DPYD: variants seen among roughly 807,000 people sequenced by gnomAD.
The protein encoded by DPYD is dihydropyrimidine dehydrogenase.
Under a neutral mutation model 116.2 loss-of-function variants are expected in DPYD, and 109 were observed. That is an observed-to-expected ratio of 0.94 (90% CI 0.80 to 1.10). The LOEUF (loss-of-function observed/expected upper bound fraction) is 1.10. Ranked by LOEUF, DPYD falls within the 50% of genes least tolerant of loss-of-function variation. The probability of loss-of-function intolerance (pLI) is 0.00; values close to 1 mark genes in which losing one functional copy is unlikely to be tolerated. For synonymous variants in DPYD, 440 were observed against 432.0 expected (o/e 1.02, Z -0.23); for missense variants, 1,302 against 1,254.5 (o/e 1.04, Z -0.57).
intron 3 of DPYD, among the ~76,000 whole-genome samples, chr1:97,802,933 G>A (rs933469650): frequency 6.6e-6 from 1 of 151,812 alleles, no homozygotes; most frequent in Non-Finnish European, 1.5e-5. Flanking sequence ...GCAAGAAACA[G>A]ATACCAGCAA....
intron 13 of DPYD, among the ~76,000 whole-genome samples, chr1:97,455,871 T>C (rs1306490460): frequency 1.3e-5 from 2 of 151,922 alleles, no homozygotes; most frequent in African/African-American, 2.4e-5. Context: ...TGTAGTAGCT[T>C]ATATAACGAC....
chr1:97,881,896 T>C (rs1242600109), intron 2 of DPYD, among the ~76,000 whole-genome samples: 1 of 151,746 alleles, frequency 6.6e-6, no homozygotes, highest in East Asian at 2.0e-4. Flanking sequence ...TTAGGAGATA[T>C]ACCTAATGCT....
At chr1:97,245,804 G>A (rs924353775) in intron 18 of DPYD, among the ~76,000 whole-genome samples, 5 of 152,064 alleles carry the variant, frequency 3.3e-5, no homozygotes, top group Admixed American at 2.0e-4. Flanking sequence ...CTGAAATCCT[G>A]TGCTCTGTTT....
rs117387937 is a variant in DPYD at position 97,151,102 on chromosome 1, T to C, written c.2622+41967A>G. Among the ~76,000 whole-genome samples the C allele has an allele frequency of 7.2e-5, 11 of 152,330 alleles. No homozygotes were observed. The East Asian group carries it at 2.1e-3, about 29-fold the overall frequency. On this transcript the variant is annotated intron_variant, in intron 20 of 22. Transcript: ENST00000370192. ...ATACTGATATCAAATCCAGCTATCT[T>C]ATGTTCAAAATGAGAAATCATTACC...
chr1:97,110,928 T>C (rs1651545907), intron 20 of DPYD, among the ~76,000 whole-genome samples: 2 of 152,086 alleles, frequency 1.3e-5, no homozygotes, highest in South Asian at 4.1e-4. Context: ...CAGCACTTCA[T>C]AGGCTGAGGC....
At chr1:97,714,022 T>G (rs1336959197) in intron 5 of DPYD, among the ~76,000 whole-genome samples, 1 of 152,110 alleles carries the variant, frequency 6.6e-6, no homozygotes, top group Admixed American at 6.6e-5. Flanking sequence ...TTTATCTTAG[T>G]TATAGATTAC....
At chr1:97,291,145 T>G (rs201556289) in intron 18 of DPYD, among the ~76,000 whole-genome samples, 7,128 of 152,210 alleles carry the variant, frequency 0.047, 243 homozygotes, top group East Asian at 0.092. Flanking sequence ...ATATACCATC[T>G]CACACCAGTT....
rs181416305 is a variant in DPYD at position 97,743,967 on chromosome 1, T to C, written c.234-3488A>G. Among the ~76,000 whole-genome samples, 7 of 152,208 alleles carry C rather than the reference T, an allele frequency of 4.6e-5. No individual in the cohort carries two copies. In the East Asian group the frequency reaches 1.3e-3, roughly 29 times the overall value. On this transcript the variant is annotated intron_variant, in intron 3 of 22. Coordinates refer to ENST00000370192, the MANE Select transcript of DPYD (RefSeq NM_000110.4). ...ATACATAAAGAAGTATATTTGATTT[T>C]TTTAAACTACAAGAAAACAACTTAG...
intron 20 of DPYD, among the ~76,000 whole-genome samples, chr1:97,124,717 T>G (rs569436867): frequency 6.6e-6 from 1 of 152,266 alleles, no homozygotes; most frequent in East Asian, 1.9e-4. Context: ...TTCCTGCATC[T>G]TTGCACACCC....
chr1:97,648,597 G>A (rs908614555), intron 8 of DPYD, among the ~76,000 whole-genome samples: 1 of 152,022 alleles, frequency 6.6e-6, no homozygotes, highest in South Asian at 2.1e-4. Flanking sequence ...GAAAGACACT[G>A]ATTTCTCCTA....
At chr1:97,368,736 C>G (rs1436353036) in intron 16 of DPYD, among the ~76,000 whole-genome samples, 8 of 152,172 alleles carry the variant, frequency 5.3e-5, no homozygotes, top group African/African-American at 1.7e-4. Context: ...AAAGGTGAAT[C>G]AGAAAGATAT....
chr1:97,564,890 C>T (rs954236584), intron 11 of DPYD, among the ~76,000 whole-genome samples: 5 of 152,040 alleles, frequency 3.3e-5, no homozygotes, highest in African/African-American at 1.2e-4. Context: ...ACTGTAGTTC[C>T]ACACTCCTGA....
At chr1:97,334,953 G>A (rs972986424) in intron 16 of DPYD, among the ~76,000 whole-genome samples, 2 of 152,178 alleles carry the variant, frequency 1.3e-5, no homozygotes, top group African/African-American at 4.8e-5. Flanking sequence ...CTGTGTGTAA[G>A]TGTGTTACCA....
intron 13 of DPYD, among the ~76,000 whole-genome samples, chr1:97,496,294 G>A (rs1356865738): frequency 6.6e-6 from 1 of 151,748 alleles, no homozygotes; most frequent in Non-Finnish European, 1.5e-5. Context: ...ATGAATTTAG[G>A]GCCTTATATT....
At chr1:97,531,574 A>G (rs559299820) in intron 12 of DPYD, among the ~76,000 whole-genome samples, 1 of 152,202 alleles carries the variant, frequency 6.6e-6, no homozygotes, top group South Asian at 2.1e-4. Flanking sequence ...TAATGTTTCT[A>G]GCTTTATTCT....
chr1:97,879,871 G>A (rs549243897), intron 2 of DPYD, among the ~76,000 whole-genome samples: 2 of 151,666 alleles, frequency 1.3e-5, no homozygotes, highest in Non-Finnish European at 2.9e-5. Context: ...AAGATGCTTC[G>A]AGCACCAAAG....
chr1:97,809,090 A>G (rs991608787), intron 3 of DPYD, among the ~76,000 whole-genome samples: 1 of 152,150 alleles, frequency 6.6e-6, no homozygotes, highest in African/African-American at 2.4e-5. Flanking sequence ...CAGAATTTTG[A>G]CTTTAAGTGC....
At chr1:97,832,703 G>T (rs1018138874) in intron 2 of DPYD, among the ~76,000 whole-genome samples, 3 of 152,084 alleles carry the variant, frequency 2.0e-5, no homozygotes, top group Non-Finnish European at 2.9e-5. Flanking sequence ...AACTGGTTTT[G>T]GTGGCCTCCT....
chr1:97,437,844 T>A (rs1010941161), intron 14 of DPYD, among the ~76,000 whole-genome samples: 4 of 151,964 alleles, frequency 2.6e-5, no homozygotes, highest in Admixed American at 1.3e-4. Flanking sequence ...CTTCAAAAAG[T>A]TTTATAGTTT....
Sources: gnomAD v4.1 joint callset for allele counts (sites outside exome capture counted in the v4.1 genomes callset) on GRCh38, gnomAD v4.1.1 for gene constraint, MANE v1.5 for transcripts, NCBI Gene and HGNC (gene_info 2026-07-23, HGNC 2026-07-21) for gene names.